Variants in ADAM2 observed in about 807,000 individuals in gnomAD.
The protein encoded by ADAM2 is disintegrin and metalloproteinase domain-containing protein 2.
In ADAM2, 101 loss-of-function variants were observed where a neutral mutation model predicts 99.3. The ratio of observed to expected loss-of-function variants is 1.02; its 90% CI spans 0.87 to 1.20. The LOEUF is 1.20. Among genes scored for constraint, ADAM2 ranks in the 50% most tolerant of loss-of-function variants. ADAM2 has a pLI of 0.00. For missense variants in ADAM2, 948 were observed against 878.7 expected (o/e 1.08, Z -1.00); for synonymous variants, 323 against 287.6 (o/e 1.12, Z -1.25).
chr8:39,745,434 C>T (rs1397338843), intron 19 of ADAM2, among the ~76,000 whole-genome samples: 1 of 151,958 alleles, frequency 6.6e-6, no homozygotes, highest in Non-Finnish European at 1.5e-5. Context: ...TAATGAAATT[C>T]AATTCATTTC....
intron 10 of ADAM2, among the ~76,000 whole-genome samples, chr8:39,785,968 A>G (rs1412579432): frequency 6.6e-6 from 1 of 152,194 alleles, no homozygotes; most frequent in Non-Finnish European, 1.5e-5. Flanking sequence ...TAAACCATGG[A>G]ATACTATGCA....
chr8:39,816,232 G>A (rs1290747861), intron 6 of ADAM2, among the ~76,000 whole-genome samples: 1 of 152,170 alleles, frequency 6.6e-6, no homozygotes, highest in Non-Finnish European at 1.5e-5. Flanking sequence ...GGGAGGTGGA[G>A]GTTGCAGTGA....
intron 7 of ADAM2, among the ~76,000 whole-genome samples, chr8:39,802,252 A>G (rs1048955253): frequency 6.6e-6 from 1 of 152,072 alleles, no homozygotes; most frequent in Non-Finnish European, 1.5e-5. Context: ...TGCGGCTCTC[A>G]GGTGGGCTGC....
At chr8:39,764,731 A>G (rs901411462) in intron 14 of ADAM2, among the ~76,000 whole-genome samples, 2 of 152,060 alleles carry the variant, frequency 1.3e-5, no homozygotes, top group Non-Finnish European at 2.9e-5. Flanking sequence ...TGCTGCACAC[A>G]GGCCAGGCGC....
At chr8:39,749,600 T>C (rs1823634221) in intron 17 of ADAM2, 67 bp downstream of exon 17, 1 of 1,430,936 alleles carries the variant, frequency 7.0e-7, no homozygotes, top group South Asian at 1.2e-5. Flanking sequence ...TGTGTGTGTG[T>C]AGCAATGCAG....
intron 14 of ADAM2, among the ~76,000 whole-genome samples, chr8:39,764,587 G>A (rs969914604): frequency 2.0e-5 from 3 of 152,164 alleles, no homozygotes; most frequent in Non-Finnish European, 4.4e-5. Context: ...TTTGAGCATT[G>A]CCTTTTGTCT....
In ADAM2 at chr8:39,761,276, C is replaced by A; in HGVS notation, c.1513G>T (p.Glu505Ter). The change falls in exon 15 of 21, where the codon GAG (glutamate) becomes TAG (stop). Residue 505 changes from glutamate to a stop codon, truncating the protein, a stop_gained. Transcript: ENST00000265708. LOFTEE classifies it high-confidence loss of function. ...QCTDTFGKEV[E>*]FGPSECYSHL... ...GAATAACATTCTGAAGGGCCAAACT[C>A]TACTTCTGAAAATAAAAAGGTGAGG... 1 of 1,581,778 alleles carries A rather than the reference C, an allele frequency of 6.3e-7. No homozygotes were observed.
At chr8:39,764,340 T>A (rs1406018322) in intron 14 of ADAM2, among the ~76,000 whole-genome samples, 1 of 152,050 alleles carries the variant, frequency 6.6e-6, no homozygotes, top group Non-Finnish European at 1.5e-5. Context: ...ACCTTGGGAG[T>A]TGGAGGCTGC....
chr8:39,788,927 T>C (rs1259657450), intron 7 of ADAM2, among the ~76,000 whole-genome samples, 187 bp from the exon 8 acceptor site: 4 of 151,572 alleles, frequency 2.6e-5, no homozygotes, highest in African/African-American at 9.7e-5. Context: ...CTGAAAAATA[T>C]GAATTGGAAT....
chr8:39,810,532 A>T (rs1200304536), intron 6 of ADAM2, among the ~76,000 whole-genome samples: 1 of 152,232 alleles, frequency 6.6e-6, no homozygotes, highest in African/African-American at 2.4e-5. Flanking sequence ...ACATAGTTGG[A>T]AGTGAGGCAC....
intron 7 of ADAM2, among the ~76,000 whole-genome samples, chr8:39,794,448 A>C (rs1174353505): frequency 6.6e-6 from 1 of 152,030 alleles, no homozygotes. Flanking sequence ...GGAGGAGACC[A>C]CCCCTCATAT....
intron 3 of ADAM2, among the ~76,000 whole-genome samples, chr8:39,826,518 T>C (rs1300403809): frequency 1.3e-5 from 2 of 150,706 alleles, no homozygotes; most frequent in Admixed American, 1.3e-4. Context: ...GGTCGGGAGA[T>C]TGAGACCATC....
At chr8:39,750,156 T>C (rs557675295) in intron 16 of ADAM2, among the ~76,000 whole-genome samples, 22 of 152,178 alleles carry the variant, frequency 1.4e-4, no homozygotes, top group Non-Finnish European at 2.5e-4. Context: ...TTAATTAGTA[T>C]AGAAATAAAA....
intron 18 of ADAM2, among the ~76,000 whole-genome samples, chr8:39,747,677 T>C (rs192097975): frequency 5.3e-5 from 8 of 152,302 alleles, no homozygotes; most frequent in Non-Finnish European, 1.0e-4. Flanking sequence ...TTCAAACCAA[T>C]AAAATCCTTG....
chr8:39,805,586 A>G (rs1251265364), intron 7 of ADAM2, among the ~76,000 whole-genome samples: 1 of 152,186 alleles, frequency 6.6e-6, no homozygotes, highest in Admixed American at 6.5e-5. Context: ...GCTATGGTAA[A>G]AAATAATAAT....
chr8:39,794,883 T>C (rs6991836), intron 7 of ADAM2, among the ~76,000 whole-genome samples: 27,236 of 151,974 alleles, frequency 0.18, 2,730 homozygotes, highest in East Asian at 0.29. Flanking sequence ...TGTCTGCGGC[T>C]TGTCCTGCTA....
At chr8:39,812,562 TG>T (rs1804750766) in intron 6 of ADAM2, among the ~76,000 whole-genome samples, 1 of 152,192 alleles carries the variant, frequency 6.6e-6, no homozygotes. Context: ...AGCATGGTAC[TG>T]GTACCAAAAC....
rs773106630 is a variant in ADAM2 at position 39,769,556 on chromosome 8, T to A, written c.1048A>T (p.Ile350Phe). The A allele has an allele frequency of 1.1e-5, 17 of 1,613,144 alleles. No individual in the cohort carries two copies. The East Asian group carries it at 2.0e-4, about 19-fold the overall frequency. The change falls in exon 12 of 21, where the codon ATC becomes TTC. Residue 350 changes from isoleucine (I) to phenylalanine (F), a missense_variant. Coordinates refer to ENST00000265708, the MANE Select transcript of ADAM2 (RefSeq NM_001464.5). ...TCTTCGAAGCTGCAGTTACTAAAGA[T>A]CTTCACACCACTGAAATGACTAAAG... is the stretch of plus-strand genomic sequence containing the variant. ...PEAIHFSGVKIFSNCSFEDFA... is the reference protein window; with the variant it reads ...PEAIHFSGVKFFSNCSFEDFA...
chr8:39,785,525 G>A (rs372126224), intron 10 of ADAM2, among the ~76,000 whole-genome samples: 7 of 152,270 alleles, frequency 4.6e-5, no homozygotes, highest in South Asian at 4.1e-4. Context: ...GTATATACTC[G>A]AAAGAAAATA....
Sources: allele counts gnomAD v4.1 joint callset (sites outside exome capture counted in the v4.1 genomes callset), GRCh38; gene constraint gnomAD v4.1.1; transcripts MANE v1.5; gene names NCBI Gene and HGNC (gene_info 2026-07-23, HGNC 2026-07-21).